Variants in ARHGAP42 observed in about 807,000 individuals in gnomAD.
The protein encoded by ARHGAP42 is rho GTPase-activating protein 42.
In ARHGAP42, 63 loss-of-function variants were observed where a neutral mutation model predicts 125.0. The observed-to-expected ratio is 0.50, with a 90% confidence interval of 0.41 to 0.62. The LOEUF is 0.62. Among genes scored for constraint, ARHGAP42 ranks in the 20% least tolerant of loss-of-function variants. ARHGAP42 has a pLI of 0.00. For synonymous variants in ARHGAP42, 339 were observed against 351.0 expected (o/e 0.97, Z 0.38); for missense variants, 766 against 1,024.2 (o/e 0.75, Z 3.44).
In ARHGAP42 at chr11:100,690,836, G is replaced by A. The variant is rs1332889296; in HGVS notation, c.154+3004G>A. 3.9e-5 allele frequency among the ~76,000 whole-genome samples: 6 copies of A among 152,068 alleles called. No homozygotes were observed. In the East Asian group the frequency reaches 5.8e-4, roughly 15 times the overall value. ...AGGATGATCTCGATCTCCTGACCTC[G>A]TGATCTGCCCGCCTCAGCCTCCCAA... On this transcript the variant is annotated intron_variant, in intron 1 of 23. Coordinates refer to ENST00000298815, the MANE Select transcript of ARHGAP42 (RefSeq NM_152432.4).
At chr11:100,886,294 G>A (rs187998788) in intron 4 of ARHGAP42, among the ~76,000 whole-genome samples, 121 of 152,178 alleles carry the variant, frequency 8.0e-4, no homozygotes, top group Non-Finnish European at 1.2e-3. Context: ...GAATCTAAAC[G>A]TGTAGCTGTC....
intron 1 of ARHGAP42, among the ~76,000 whole-genome samples, chr11:100,726,504 C>T (rs564658674): frequency 4.4e-4 from 67 of 152,282 alleles, no homozygotes; most frequent in African/African-American, 1.6e-3. Flanking sequence ...TTCCTGGGTA[C>T]ATTTTTATGT....
chr11:100,746,764 G>A (rs150162542), intron 1 of ARHGAP42, among the ~76,000 whole-genome samples: 1 of 152,120 alleles, frequency 6.6e-6, no homozygotes, highest in Non-Finnish European at 1.5e-5. Flanking sequence ...CCATAGAAGC[G>A]CTCTAAAGTG....
At chr11:100,722,243 C>G (rs754801097) in intron 1 of ARHGAP42, among the ~76,000 whole-genome samples, 2 of 152,024 alleles carry the variant, frequency 1.3e-5, no homozygotes, top group Non-Finnish European at 2.9e-5. Flanking sequence ...CTTATGTATT[C>G]TTTGGTGAGT....
rs767768364 is a variant in ARHGAP42, at chr11:100,936,294, A to G, written c.794A>G (p.Gln265Arg). Residue 265 changes from glutamine (Q) to arginine (R), a missense_variant, in exon 8 of 24, where the codon CAG becomes CGG. This residue lies in a region of ARHGAP42 where 455 missense variants were observed against 636.5 expected (regional missense o/e 0.71). Coordinates refer to ENST00000298815, the MANE Select transcript of ARHGAP42 (RefSeq NM_152432.4). ...SANQDYRPPS[Q>R]WTMEGYLYVQ... is the part of the protein sequence containing the mutation. ...AACCAGGACTACAGACCACCCAGCCAGTGGACGATGGAAGGCTATCTGTAT... is the reference window on the plus strand; with the variant it reads ...AACCAGGACTACAGACCACCCAGCCGGTGGACGATGGAAGGCTATCTGTAT... 70 of 1,551,542 alleles carry G rather than the reference A, an allele frequency of 4.5e-5. No individual in the cohort carries two copies. Among genetic ancestry groups the G allele is most frequent in the Non-Finnish European group, 5.4e-5 (62 of 1,146,938 alleles).
At chr11:100,720,620 C>T (rs1323184433) in intron 1 of ARHGAP42, among the ~76,000 whole-genome samples, 2 of 151,876 alleles carry the variant, frequency 1.3e-5, no homozygotes, top group African/African-American at 2.4e-5. Flanking sequence ...AACAAAAAAC[C>T]CCAAGAACTT....
intron 23 of ARHGAP42, among the ~76,000 whole-genome samples, 190 bp downstream of exon 23, chr11:100,987,782 G>A (rs1858720119): frequency 6.6e-6 from 1 of 151,174 alleles, no homozygotes; most frequent in East Asian, 2.0e-4. Context: ...AGCTGCTTAG[G>A]AGGGTAAGCC....
chr11:100,797,505 G>T (rs1863745883), intron 3 of ARHGAP42, among the ~76,000 whole-genome samples: 1 of 151,918 alleles, frequency 6.6e-6, no homozygotes, highest in South Asian at 2.1e-4. Flanking sequence ...ACCCTGTCTG[G>T]GCTCTAGTTA....
At chr11:100,859,422 T>C (rs577370467) in intron 3 of ARHGAP42, 132 bp from the exon 4 acceptor site, 12 of 663,816 alleles carry the variant, frequency 1.8e-5, no homozygotes, top group South Asian at 8.2e-5. Context: ...GTATATAACA[T>C]GTAAGTTGTT....
At chr11:100,802,827 G>C (rs557590038) in intron 3 of ARHGAP42, among the ~76,000 whole-genome samples, 8 of 152,154 alleles carry the variant, frequency 5.3e-5, no homozygotes, top group African/African-American at 1.7e-4. Flanking sequence ...TGAACTTACA[G>C]CTTTGTCCTT....
chr11:100,708,943 T>C (rs1336060749), intron 1 of ARHGAP42, among the ~76,000 whole-genome samples: 1 of 152,238 alleles, frequency 6.6e-6, no homozygotes, highest in Non-Finnish European at 1.5e-5. Context: ...TGTACTGTAA[T>C]TAAAGTTACA....
chr11:100,953,508 G>T (rs1256135944), intron 12 of ARHGAP42, among the ~76,000 whole-genome samples: 1 of 152,146 alleles, frequency 6.6e-6, no homozygotes, highest in African/African-American at 2.4e-5. Flanking sequence ...AATATCTAAT[G>T]TTCTAAAATA....
At chr11:100,824,836 G>C (rs563282387) in intron 3 of ARHGAP42, among the ~76,000 whole-genome samples, 106 of 152,158 alleles carry the variant, frequency 7.0e-4, no homozygotes, top group Non-Finnish European at 6.9e-4. Context: ...CATTTTGCCT[G>C]ATTTTATAAT....
chr11:100,708,380 G>C (rs1861511435), intron 1 of ARHGAP42, among the ~76,000 whole-genome samples: 1 of 152,134 alleles, frequency 6.6e-6, no homozygotes, highest in African/African-American at 2.4e-5. Flanking sequence ...GTGCGTGGTG[G>C]CACACGCCTT....
chr11:100,884,179 G>A (rs140948728), intron 4 of ARHGAP42, among the ~76,000 whole-genome samples: 2,613 of 152,226 alleles, frequency 0.017, 34 homozygotes, highest in Non-Finnish European at 0.026. Flanking sequence ...AAAACTATCA[G>A]TCTGGGATTG....
chr11:100,806,943 G>A, intron 3 of ARHGAP42, among the ~76,000 whole-genome samples: 1 of 151,826 alleles, frequency 6.6e-6, no homozygotes. Context: ...TGCCTTCCGA[G>A]CTCAAGTGAT....
At chr11:100,753,438 C>T (rs937199669) in intron 1 of ARHGAP42, among the ~76,000 whole-genome samples, 1 of 152,184 alleles carries the variant, frequency 6.6e-6, no homozygotes, top group African/African-American at 2.4e-5. Flanking sequence ...CCTCATCTGC[C>T]CACAAAGCTG....
chr11:100,699,556 C>A (rs1418400525), intron 1 of ARHGAP42, among the ~76,000 whole-genome samples: 3 of 88,876 alleles, frequency 3.4e-5, no homozygotes, highest in African/African-American at 1.2e-4. Flanking sequence ...GAGTTTCACT[C>A]TTGTCACCCA....
chr11:100,744,253 G>C (rs1862249417), intron 1 of ARHGAP42, among the ~76,000 whole-genome samples: 1 of 152,208 alleles, frequency 6.6e-6, no homozygotes, highest in Admixed American at 6.5e-5. Flanking sequence ...ACAGGCGTGA[G>C]CCACCATGCC....
Sources: gnomAD v4.1 joint callset for allele counts (sites outside exome capture counted in the v4.1 genomes callset) on GRCh38, gnomAD v4.1.1 for gene constraint, gnomAD v4.1.1 regional missense constraint, MANE v1.5 for transcripts, NCBI Gene and HGNC (gene_info 2026-07-23, HGNC 2026-07-21) for gene names.